The following AGBL5 variants were observed in gnomAD, a reference collection of about 807,000 sequenced individuals.
AGBL5 encodes the protein cytosolic carboxypeptidase-like protein 5.
A neutral mutation model predicts 88.0 loss-of-function variants in AGBL5; 51 were observed. That is an observed-to-expected ratio of 0.58 (90% CI 0.46 to 0.73). AGBL5 has a LOEUF of 0.73. Among genes scored for constraint, AGBL5 ranks in the 30% least tolerant of loss-of-function variants. The pLI is 0.00. For synonymous variants in AGBL5, 446 were observed against 438.8 expected, an observed-to-expected ratio of 1.02 and a Z score of -0.21; for missense variants, 1,031 against 1,162.2, an observed-to-expected ratio of 0.89 and a Z score of 1.64.
At chr2:27,069,332 G>A (rs1481273699) in intron 13 of AGBL5, 5 of 985,248 alleles carry the variant, frequency 5.1e-6, no homozygotes, top group Non-Finnish European at 6.0e-6. Context: ...TAGCCATGGC[G>A]GTTAAATGCT....
intron 13 of AGBL5, 92 bp downstream of exon 13, chr2:27,068,836 G>A: frequency 1.3e-6 from 2 of 1,555,022 alleles, no homozygotes; most frequent in East Asian, 4.6e-5. Flanking sequence ...GCTCAGCACT[G>A]CTTTACTGCA....
At position 27,053,816 on chromosome 2, in the gene AGBL5, G is replaced by C; in HGVS notation, c.388-80G>C. The C allele has an allele frequency of 6.6e-7, 1 of 1,522,970 alleles. No individual in the cohort carries two copies. The highest frequency in any genetic ancestry group is 8.9e-7 in the Non-Finnish European group (1 of 1,129,228). 94.3% of individuals were successfully genotyped at this position (1,522,970 alleles called of 1,614,324 possible). On this transcript the variant is annotated intron_variant, in intron 3 of 14. Transcript: ENST00000360131. This position sits in a 1 kb window ranked among gnomAD's most constrained non-coding sequence, Gnocchi z 4.9. ...TTGGTAAAGGTGATAAGGGTGTGAG[G>C]TCAGTTCCTGGTGGTCCCAGTAGGA...
chr2:27,063,111 T>A (rs1668797631), intron 11 of AGBL5, among the ~76,000 whole-genome samples: 1 of 152,138 alleles, frequency 6.6e-6, no homozygotes, highest in Non-Finnish European at 1.5e-5. Flanking sequence ...CAGGATTCAG[T>A]GATGGTAGAA....
rs951055331 is a variant in AGBL5, at chr2:27,056,345, G to A, written c.1365+207G>A. ...TGTTACATCATGACCTTTTATTAAG[G>A]AAAGCTAACTGCATTATAGTCTGCT... On this transcript the variant is annotated intron_variant, in intron 7 of 14. Coordinates refer to ENST00000360131, the MANE Select transcript of AGBL5 (RefSeq NM_021831.6). 22 of 628,838 alleles carry A rather than the reference G, an allele frequency of 3.5e-5. No individual in the cohort carries two copies. In the African/African-American group the frequency reaches 3.8e-4, roughly 11 times the overall value. 39.0% of individuals were successfully genotyped at this position (628,838 alleles called of 1,614,324 possible).
upstream of AGBL5, among the ~76,000 whole-genome samples, chr2:27,050,531 C>T (rs1208608742): frequency 6.6e-6 from 1 of 152,230 alleles, no homozygotes; most frequent in Non-Finnish European, 1.5e-5. Flanking sequence ...GAAACCACCG[C>T]GGGGTGTTGG....
intron 8 of AGBL5, chr2:27,057,049 C>A (rs544443826): frequency 9.2e-6 from 5 of 546,124 alleles, no homozygotes; most frequent in Non-Finnish European, 1.6e-5. Flanking sequence ...AGGGAGGGAA[C>A]CACCTTAGTC....
Position 27,052,896 on chromosome 2 carries a change from C to T in AGBL5, c.-46-17C>T. ...GTCTTCCCTTTCCTCCTTAACCTAA[C>T]CCTTGTTTTCCCCCAGCTCTCAGGG... On this transcript the variant is annotated splice_polypyrimidine_tract_variant and intron_variant, in intron 1 of 14. Transcript: ENST00000360131. The T allele has an allele frequency of 7.0e-7, 1 of 1,434,176 alleles. No individual in the cohort carries two copies. Among genetic ancestry groups the T allele is most frequent in the Non-Finnish European group, 9.4e-7 (1 of 1,068,254 alleles). 88.8% of individuals were successfully genotyped at this position (1,434,176 alleles called of 1,614,324 possible). A position where few individuals can be genotyped will look rare whatever the true frequency, so the allele number is the denominator to read the frequency against.
rs373617392 is a variant in AGBL5, at chr2:27,056,825, T to C, written c.1535+33T>C. The C allele has an allele frequency of 1.0e-5, 16 of 1,567,306 alleles. No individual in the cohort carries two copies. The African/African-American group carries it at 2.2e-4, about 21-fold the overall frequency. ...GGAAGCTGAGATATAGTTGATGAAA[T>C]AGCTTCCCTAAAGAAAACACCGTAG... On this transcript the variant is annotated intron_variant, in intron 8 of 14. Coordinates refer to ENST00000360131, the MANE Select transcript of AGBL5 (RefSeq NM_021831.6).
At chr2:27,051,350 T>C (rs1234168422), upstream of AGBL5, 1 of 152,234 alleles carries the variant, frequency 6.6e-6, no homozygotes, top group Non-Finnish European at 1.5e-5. Flanking sequence ...CGCAGTGGGC[T>C]ACGTGTTTCA....
At chr2:27,057,161 T>C in intron 8 of AGBL5, 142 bp from the exon 9 acceptor site, 5 of 901,736 alleles carry the variant, frequency 5.5e-6, no homozygotes, top group Non-Finnish European at 8.4e-6. Context: ...GGTCAGCTGC[T>C]AGTTGCTATG....
At chr2:27,060,292 A>G (rs1417761245) in intron 11 of AGBL5, among the ~76,000 whole-genome samples, 1 of 152,242 alleles carries the variant, frequency 6.6e-6, no homozygotes, top group African/African-American at 2.4e-5. Context: ...ACTGTGCATT[A>G]GTAACCCCCA....
At position 27,057,439 on chromosome 2, in the gene AGBL5, G is replaced by C; in HGVS notation, c.1671+1G>C. ...ATACACTGTGGAACTATTTGAGCAG[G>C]TATGAATACATGGTGTAAGTGGGAA... On this transcript the variant is annotated splice_donor_variant, in intron 9 of 14. Transcript: ENST00000360131. LOFTEE classifies it high-confidence loss of function. 6.2e-7 allele frequency: 1 copy of C among 1,604,040 alleles called. No individual in the cohort carries two copies. Among genetic ancestry groups the C allele is most frequent in the Non-Finnish European group, 8.5e-7 (1 of 1,173,758 alleles).
At position 27,055,116 on chromosome 2, in the gene AGBL5, A is replaced by C. The variant is rs1572815423; in HGVS notation, c.771A>C (p.Pro257=). Residue 257 remains proline (P), a synonymous_variant, in exon 6 of 15, where the codon CCA becomes CCC. Coordinates refer to ENST00000360131, the MANE Select transcript of AGBL5 (RefSeq NM_021831.6). Reference sequence around the variant, plus strand: ...GTAGAGTACACCCAGGGGAGACTCCATCTAGCTTTGTCTTCAATGGCTTTC... The same window carrying C: ...GTAGAGTACACCCAGGGGAGACTCCCTCTAGCTTTGTCTTCAATGGCTTTC... The part of the protein sequence containing the change: ...LSSRVHPGET[P]SSFVFNGFLD... 2 of 1,614,198 alleles carry C rather than the reference A, an allele frequency of 1.2e-6. No individual in the cohort carries two copies. Among genetic ancestry groups the C allele is most frequent in the East Asian group, 2.2e-5 (1 of 44,890 alleles).
chr2:27,054,205 T>C, intron 4 of AGBL5, 146 bp downstream of exon 4: 1 of 1,015,888 alleles, frequency 9.8e-7, no homozygotes. Flanking sequence ...TTGGGTACCT[T>C]TGAAAACTAT....
chr2:27,057,564 G>A (rs1668500466), intron 9 of AGBL5, 126 bp downstream of exon 9: 1 of 1,160,666 alleles, frequency 8.6e-7, no homozygotes. Flanking sequence ...TCACCACTAT[G>A]ATTATTTTCC....
chr2:27,069,826 C>T, intron 14 of AGBL5, 120 bp downstream of exon 14: 1 of 1,476,836 alleles, frequency 6.8e-7, no homozygotes, highest in Non-Finnish European at 9.0e-7. Flanking sequence ...ACTAAATGTA[C>T]TTCCATTAAG....
In AGBL5 at chr2:27,070,273, T is replaced by C. The variant is rs1420097645; in HGVS notation, c.*10T>C. The stretch of plus-strand genomic sequence containing the variant: ...TTCTCCCCGGGTCTGATAATGCCTT[T>C]ATGTTCAAGCCCAGGATATAGCCCC... On this transcript the variant is annotated 3_prime_UTR_variant, in exon 15 of 15. Coordinates refer to ENST00000360131, the MANE Select transcript of AGBL5 (RefSeq NM_021831.6). The C allele has an allele frequency of 6.2e-7, 1 of 1,613,790 alleles. No homozygotes were observed. The highest frequency in any genetic ancestry group is 2.2e-5 in the East Asian group (1 of 44,882).
In AGBL5 at chr2:27,054,158, TC is replaced by T. The variant is rs536064727; in HGVS notation, c.551+101del. On this transcript the variant is annotated intron_variant, in intron 4 of 14. Coordinates refer to ENST00000360131, the MANE Select transcript of AGBL5 (RefSeq NM_021831.6). ...CTTAGAGCTCTGAACCATACTTTCA[TC>T]CGTCTTTTTTCTGTACAGAATGTAC... 4.1e-4 allele frequency: 580 copies of T among 1,403,366 alleles called. 5 individuals carry two copies. The African/African-American group carries it at 7.8e-3, about 19-fold the overall frequency. The allele number at this position is 1,403,366 out of a possible 1,614,324, so 86.9% of individuals were successfully genotyped here. A position where few individuals can be genotyped will look rare whatever the true frequency, so the allele number is the denominator to read the frequency against.
chr2:27,065,753 A>G (rs1281861880), intron 11 of AGBL5, among the ~76,000 whole-genome samples: 1 of 152,196 alleles, frequency 6.6e-6, no homozygotes, highest in Non-Finnish European at 1.5e-5. Flanking sequence ...AGCTTCAAGT[A>G]AGAGAGGTAA....
Sources: allele counts gnomAD v4.1 joint callset (sites outside exome capture counted in the v4.1 genomes callset), GRCh38; gene constraint gnomAD v4.1.1; non-coding constraint Gnocchi (gnomAD v3.1); transcripts MANE v1.5; gene names NCBI Gene and HGNC (gene_info 2026-07-23, HGNC 2026-07-21).